The following MAGI2 variants were observed in gnomAD, a reference collection of about 807,000 sequenced individuals.
MAGI2 encodes membrane associated guanylate kinase, WW and PDZ domain containing 2.
Under a neutral mutation model 133.3 loss-of-function variants are expected in MAGI2, and 35 were observed. The observed-to-expected ratio is 0.26, with a 90% CI of 0.20 to 0.35. The LOEUF (loss-of-function observed/expected upper bound fraction) is 0.35, where lower values mean the gene tolerates loss of function less well. Among genes scored for constraint, MAGI2 ranks in the 10% least tolerant of loss-of-function variants. MAGI2 has a pLI of 1.00. For missense variants in MAGI2, 1,636 were observed against 1,863.4 expected (o/e 0.88, Z 2.25); for synonymous variants, 729 against 710.6 (o/e 1.03, Z -0.41).
intron 1 of MAGI2, among the ~76,000 whole-genome samples, chr7:79,300,992 G>C (rs551536159): frequency 1.3e-5 from 2 of 152,396 alleles, no homozygotes; most frequent in African/African-American, 4.8e-5. Flanking sequence ...TCAAGCCTGC[G>C]AGTGCACAGA....
At chr7:78,667,594 T>C (rs577901872) in intron 2 of MAGI2, among the ~76,000 whole-genome samples, 1 of 135,638 alleles carries the variant, frequency 7.4e-6, no homozygotes, top group African/African-American at 2.7e-5. Context: ...CCTGTGTCCA[T>C]GTGTTCTCAT....
intron 9 of MAGI2, among the ~76,000 whole-genome samples, chr7:78,310,333 G>A (rs926022856): frequency 2.0e-5 from 3 of 152,152 alleles, no homozygotes; most frequent in African/African-American, 7.2e-5. Context: ...TACTTGGGAG[G>A]CTGAGGCAGG....
intron 2 of MAGI2, among the ~76,000 whole-genome samples, chr7:78,862,655 C>T (rs954595014): frequency 3.3e-5 from 5 of 152,114 alleles, no homozygotes; most frequent in Non-Finnish European, 7.4e-5. Flanking sequence ...AGAGTTAATT[C>T]GATGTTTCTA....
intron 3 of MAGI2, among the ~76,000 whole-genome samples, chr7:78,605,073 A>G (rs1805656244): frequency 6.6e-6 from 1 of 152,238 alleles, no homozygotes; most frequent in African/African-American, 2.4e-5. Context: ...TGGAAGAGAA[A>G]TAAGACTGGC....
intron 2 of MAGI2, among the ~76,000 whole-genome samples, chr7:78,852,451 C>G (rs550255396): frequency 3.3e-5 from 5 of 151,992 alleles, no homozygotes; most frequent in Admixed American, 1.3e-4. Flanking sequence ...GAAACATTTC[C>G]ATACCAAGAG....
rs1563128653 is a variant in MAGI2, at chr7:78,529,667, G to GTTTTTT, written c.539-8023_539-8022insAAAAAA. 1.7e-3 allele frequency among the ~76,000 whole-genome samples: 97 copies of GTTTTTT among 56,322 alleles called. 2 individuals are homozygous for GTTTTTT. The highest frequency in any genetic ancestry group is 6.2e-3 in the African/African-American group (95 of 15,434). The allele number at this position is 56,322 out of a possible 152,430, so 36.9% of individuals were successfully genotyped here. The stretch of plus-strand genomic sequence containing the variant: ...TTTTCTTTTCCTTGCTAAAGGAGAT[G>GTTTTTT]GTTTTTTTTTTTTTTTTTTTTTTTT... On this transcript the variant is annotated intron_variant, in intron 3 of 21. Coordinates refer to ENST00000354212, the MANE Select transcript of MAGI2 (RefSeq NM_012301.4).
At chr7:79,196,182 ATGT>A (rs1828062962) in intron 1 of MAGI2, among the ~76,000 whole-genome samples, 1 of 151,894 alleles carries the variant, frequency 6.6e-6, no homozygotes, top group Admixed American at 6.5e-5. Flanking sequence ...TTAAAATAAC[ATGT>A]TGTACATGGT....
intron 2 of MAGI2, among the ~76,000 whole-genome samples, chr7:78,719,429 T>G (rs1204072813): frequency 6.6e-6 from 1 of 152,178 alleles, no homozygotes; most frequent in African/African-American, 2.4e-5. Flanking sequence ...TGTTGGCAAG[T>G]TTAGTAAGAC....
intron 6 of MAGI2, among the ~76,000 whole-genome samples, chr7:78,440,769 T>G (rs1392472182): frequency 6.6e-6 from 1 of 150,614 alleles, no homozygotes; most frequent in South Asian, 2.1e-4. Context: ...CTGGCCAACA[T>G]AGTGAAACCC....
chr7:79,110,906 T>C (rs6955529), intron 1 of MAGI2, among the ~76,000 whole-genome samples: 1,573 of 152,176 alleles, frequency 0.01, 23 homozygotes, highest in African/African-American at 0.036. Flanking sequence ...TGCTTAAAAA[T>C]GTGTGGTACC....
At chr7:79,452,919 C>T in intron 1 of MAGI2, 101 bp downstream of exon 1, 6 of 1,324,856 alleles carry the variant, frequency 4.5e-6, no homozygotes, top group Non-Finnish European at 6.1e-6. Context: ...CCCATCATCG[C>T]GCAACACACC....
chr7:78,858,105 T>C (rs536281565), intron 2 of MAGI2, among the ~76,000 whole-genome samples: 154 of 152,330 alleles, frequency 1.0e-3, no homozygotes, highest in Non-Finnish European at 1.7e-3. Flanking sequence ...ATATCCCCTT[T>C]ATCATTTTTT....
rs1019902056 is a variant in MAGI2, at chr7:78,256,724, T to C, written c.1409-143A>G. On this transcript the variant is annotated intron_variant, in intron 9 of 21. Transcript: ENST00000354212. ...CAATTAGAATAATACTTAAAATCAC[T>C]GTGGGTGACTCAAGGTTACAACAGG... The C allele has an allele frequency of 1.2e-5, 8 of 683,598 alleles. No individual in the cohort carries two copies. In the African/African-American group the frequency reaches 1.3e-4, roughly 11 times the overall value. 42.3% of individuals were successfully genotyped at this position (683,598 alleles called of 1,614,324 possible).
intron 20 of MAGI2, among the ~76,000 whole-genome samples, chr7:78,083,244 C>T (rs868709691): frequency 6.6e-6 from 1 of 151,894 alleles, no homozygotes; most frequent in African/African-American, 2.4e-5. Context: ...ACAGAGCTAT[C>T]TTCAACTGAG....
Position 79,440,217 on chromosome 7 carries a change from T to C in MAGI2, c.301+12803A>G, listed in dbSNP as rs143447305. Among the ~76,000 whole-genome samples the C allele has an allele frequency of 4.2e-3, 637 of 151,978 alleles. 5 individuals are homozygous for C. The highest frequency in any genetic ancestry group is 0.014 in the African/African-American group (592 of 41,474). On this transcript the variant is annotated intron_variant, in intron 1 of 21. Coordinates refer to ENST00000354212, the MANE Select transcript of MAGI2 (RefSeq NM_012301.4). ...TGCTCTTATTGGAGAGTCTTATAAG[T>C]TAATGGATTCTAGCCTTGGAATTAG... is the stretch of plus-strand genomic sequence containing the variant.
chr7:78,174,073 A>G (rs1168280071), intron 14 of MAGI2, among the ~76,000 whole-genome samples: 1 of 152,148 alleles, frequency 6.6e-6, no homozygotes, highest in Non-Finnish European at 1.5e-5. Flanking sequence ...AGCCTGTAGA[A>G]CTTAGAGGCC....
intron 2 of MAGI2, among the ~76,000 whole-genome samples, chr7:78,932,465 C>A (rs1800208727): frequency 6.6e-6 from 1 of 151,368 alleles, no homozygotes; most frequent in African/African-American, 2.4e-5. Context: ...AAAGATAAAT[C>A]ATTGAAGTTC....
intron 21 of MAGI2, among the ~76,000 whole-genome samples, chr7:78,077,319 G>A (rs930035434): frequency 5.3e-5 from 8 of 151,990 alleles, no homozygotes; most frequent in Non-Finnish European, 1.0e-4. Flanking sequence ...AGTGCAAAAG[G>A]TTATTCTATT....
chr7:78,804,758 A>AAAAAAACAAAC (rs1563526016), intron 2 of MAGI2, among the ~76,000 whole-genome samples: 8 of 45,084 alleles, frequency 1.8e-4, no homozygotes, highest in African/African-American at 4.4e-4. Flanking sequence ...CAAAAAAAAA[A>AAAAAAACAAAC]AAAAAAAAAA....
Sources: allele counts gnomAD v4.1 joint callset (sites outside exome capture counted in the v4.1 genomes callset), GRCh38; gene constraint gnomAD v4.1.1; transcripts MANE v1.5; gene names NCBI Gene and HGNC (gene_info 2026-07-23, HGNC 2026-07-21).